The following PTPRA variants were observed in gnomAD, a reference collection of about 807,000 sequenced individuals.
The protein encoded by PTPRA is receptor-type tyrosine-protein phosphatase alpha.
PTPRA carries 25 observed loss-of-function variants against 104.8 expected under a neutral mutation model. That is an observed-to-expected ratio of 0.24 (90% confidence interval 0.17 to 0.33). The LOEUF (loss-of-function observed/expected upper bound fraction) is 0.33, where lower values mean the gene tolerates loss of function less well. Ranked by LOEUF, PTPRA falls within the 10% of genes least tolerant of loss-of-function variation. PTPRA has a pLI of 1.00. For synonymous variants in PTPRA, 323 were observed against 368.9 expected, an observed-to-expected ratio of 0.88 and a Z score of 1.43; for missense variants, 765 against 1,015.3, an observed-to-expected ratio of 0.75 and a Z score of 3.35.
chr20:2,948,783 G>T (rs566969533), intron 3 of PTPRA, among the ~76,000 whole-genome samples: 34 of 151,642 alleles, frequency 2.2e-4, no homozygotes, highest in Admixed American at 2.6e-4. Context: ...AACCCTGTCT[G>T]TACTAAAAAT....
chr20:3,017,991 C>A, intron 13 of PTPRA, 78 bp downstream of exon 13: 1 of 1,220,058 alleles, frequency 8.2e-7, no homozygotes. Flanking sequence ...GGCTGTCTAT[C>A]CTTTGTGGGT....
chr20:2,955,767 G>A, intron 3 of PTPRA: 2 of 764,236 alleles, frequency 2.6e-6, no homozygotes, highest in Non-Finnish European at 3.2e-6. Flanking sequence ...GATGTCTGCT[G>A]CCTGGCTAGC....
intron 2 of PTPRA, among the ~76,000 whole-genome samples, chr20:2,941,654 C>T (rs910936207): frequency 6.6e-6 from 1 of 152,170 alleles, no homozygotes; most frequent in Non-Finnish European, 1.5e-5. Flanking sequence ...AAAAATCACC[C>T]TTGTGTGGCC....
At chr20:2,898,584 G>A (rs561280966) in intron 1 of PTPRA, among the ~76,000 whole-genome samples, 10 of 151,932 alleles carry the variant, frequency 6.6e-5, no homozygotes, top group Admixed American at 3.3e-4. Context: ...TGGGCTGGGC[G>A]AGGTGGCTCA....
intron 9 of PTPRA, among the ~76,000 whole-genome samples, chr20:2,993,259 G>A (rs2063263202): frequency 6.6e-6 from 1 of 152,214 alleles, no homozygotes; most frequent in Admixed American, 6.5e-5. Flanking sequence ...GGGGCAACAA[G>A]TTGTCTTTTA....
chr20:3,031,826 T>C (rs1407830186), intron 20 of PTPRA, among the ~76,000 whole-genome samples: 2 of 152,208 alleles, frequency 1.3e-5, no homozygotes, highest in South Asian at 2.1e-4. Flanking sequence ...ATTTGAGTTT[T>C]TGTGGTATGT....
chr20:3,010,488 C>T (rs2064112640), intron 11 of PTPRA, among the ~76,000 whole-genome samples: 1 of 152,024 alleles, frequency 6.6e-6, no homozygotes, highest in African/African-American at 2.4e-5. Context: ...ATTAGTCGGG[C>T]GTGGTGGCGG....
At chr20:3,031,912 C>G (rs2065476001) in intron 20 of PTPRA, among the ~76,000 whole-genome samples, 1 of 152,168 alleles carries the variant, frequency 6.6e-6, no homozygotes, top group Admixed American at 6.5e-5. Context: ...AGTTATATGC[C>G]TCTATCTGAT....
Position 3,037,582 on chromosome 20 carries a change from GT to G in PTPRA, c.2334+294del, listed in dbSNP as rs2148539482. Among the ~76,000 whole-genome samples, 2 of 152,352 alleles carry G rather than the reference GT, an allele frequency of 1.3e-5. No individual in the cohort carries two copies. The highest frequency in any genetic ancestry group is 2.9e-5 in the Non-Finnish European group (2 of 68,032). On this transcript the variant is annotated intron_variant, in intron 23 of 23. Transcript: ENST00000399903. This position sits in a 1 kb window ranked among gnomAD's most constrained non-coding sequence, Gnocchi z 4.3. ...CTTGGGTAAGGAAGATCCATGAAGA[GT>G]ACCTGCCTTTGGGCTTGGGCTCCCT...
At chr20:2,937,262 TTACAG>T in intron 2 of PTPRA, among the ~76,000 whole-genome samples, 1 of 151,988 alleles carries the variant, frequency 6.6e-6, no homozygotes, top group South Asian at 2.1e-4. Flanking sequence ...GTAGCTGGGA[TTACAG>T]GTGCATGCCA....
chr20:2,948,685 C>T (rs1008983460), intron 3 of PTPRA, among the ~76,000 whole-genome samples: 6 of 152,196 alleles, frequency 3.9e-5, no homozygotes, highest in Admixed American at 3.9e-4. Flanking sequence ...GGCACGGTGG[C>T]TCACGCCTGG....
At chr20:2,963,408 C>T (rs1302763609) in intron 3 of PTPRA, among the ~76,000 whole-genome samples, 1 of 151,924 alleles carries the variant, frequency 6.6e-6, no homozygotes. Context: ...TTGAGACCAG[C>T]GTGACCAACA....
At chr20:3,006,707 A>C (rs1025007182) in intron 10 of PTPRA, among the ~76,000 whole-genome samples, 1 of 152,142 alleles carries the variant, frequency 6.6e-6, no homozygotes. Context: ...GGCTCACTGC[A>C]GGCTCTACCT....
intron 6 of PTPRA, among the ~76,000 whole-genome samples, chr20:2,982,394 T>A (rs2062716598): frequency 6.6e-6 from 1 of 152,180 alleles, no homozygotes; most frequent in African/African-American, 2.4e-5. Flanking sequence ...CCTGATATAC[T>A]GCCCCCTGTT....
At chr20:2,865,023 T>G in the PTPRA span, 1 of 1,614,162 alleles carries the variant, frequency 6.2e-7, no homozygotes, top group Non-Finnish European at 8.5e-7. The surrounding 1 kb of genome is among the most constrained non-coding windows in gnomAD (Gnocchi z 5.2). Flanking sequence ...CGCCGATGCC[T>G]TCTACAAGGC....
At chr20:2,904,164 T>C (rs2059332745) in intron 1 of PTPRA, among the ~76,000 whole-genome samples, 1 of 152,130 alleles carries the variant, frequency 6.6e-6, no homozygotes, top group Non-Finnish European at 1.5e-5. Context: ...GATCTTGCTT[T>C]GGCCTTATAA....
intron 2 of PTPRA, among the ~76,000 whole-genome samples, chr20:2,935,282 T>C (rs1317724399): frequency 1.3e-5 from 2 of 152,218 alleles, no homozygotes; most frequent in Non-Finnish European, 2.9e-5. Flanking sequence ...TTTAACATAA[T>C]GTCCTCCAGG....
At chr20:2,994,257 C>T (rs2063310026) in intron 9 of PTPRA, among the ~76,000 whole-genome samples, 1 of 152,112 alleles carries the variant, frequency 6.6e-6, no homozygotes, top group African/African-American at 2.4e-5. Context: ...GCCTGGCCTC[C>T]CTGTTATTGA....
chr20:2,866,149 TAAGA>T, the PTPRA span: 2 of 1,477,070 alleles, frequency 1.4e-6, no homozygotes, highest in East Asian at 4.5e-5. Flanking sequence ...CCTCTGCTCG[TAAGA>T]GAGAGGACAG....
Sources: gnomAD v4.1 joint callset for allele counts (sites outside exome capture counted in the v4.1 genomes callset) on GRCh38, gnomAD v4.1.1 for gene constraint, Gnocchi (gnomAD v3.1) non-coding constraint, MANE v1.5 for transcripts, NCBI Gene and HGNC (gene_info 2026-07-23, HGNC 2026-07-21) for gene names.